Variants in RBMS3 observed in about 807,000 individuals in gnomAD.
RBMS3 encodes the protein RNA-binding motif, single-stranded-interacting protein 3.
RBMS3 carries 27 observed loss-of-function variants against 66.8 expected under a neutral mutation model. That is an observed-to-expected ratio of 0.40 (90% CI 0.30 to 0.56). RBMS3 has a LOEUF of 0.56. Ranked by LOEUF, RBMS3 falls within the 20% of genes least tolerant of loss-of-function variation. The probability of loss-of-function intolerance (pLI) is 0.40; values close to 1 mark genes in which losing one functional copy is unlikely to be tolerated. For synonymous variants in RBMS3, 188 were observed against 183.0 expected (o/e 1.03, Z -0.22); for missense variants, 513 against 549.5 (o/e 0.93, Z 0.66).
At chr3:29,458,991 AGAAATCAAAT>A (rs1489424669) in intron 2 of RBMS3, among the ~76,000 whole-genome samples, 5 of 152,314 alleles carry the variant, frequency 3.3e-5, no homozygotes, top group Middle Eastern at 3.4e-3. Flanking sequence ...AACTGGATAG[AGAAATCAAAT>A]GAAACAGCAA....
At chr3:29,723,033 C>T (rs901202422) in intron 4 of RBMS3, among the ~76,000 whole-genome samples, 3 of 151,702 alleles carry the variant, frequency 2.0e-5, no homozygotes, top group African/African-American at 4.8e-5. Context: ...TGGAGTGCAA[C>T]GGCATGATCT....
At chr3:29,876,220 G>A (rs987199739) in intron 7 of RBMS3, among the ~76,000 whole-genome samples, 8 of 152,178 alleles carry the variant, frequency 5.3e-5, no homozygotes, top group African/African-American at 1.9e-4. Flanking sequence ...CCTGTAATTT[G>A]GTTTGAGCCC....
chr3:29,941,697 G>C (rs2061397918), intron 11 of RBMS3, among the ~76,000 whole-genome samples: 1 of 151,528 alleles, frequency 6.6e-6, no homozygotes, highest in South Asian at 2.1e-4. Context: ...TACCGACATA[G>C]TAAAAAAGCC....
intron 6 of RBMS3, among the ~76,000 whole-genome samples, chr3:29,824,317 A>C (rs984146435): frequency 2.0e-5 from 3 of 152,040 alleles, no homozygotes; most frequent in Non-Finnish European, 4.4e-5. Context: ...GCCATCTGTG[A>C]GAAAGTGGGC....
intron 3 of RBMS3, among the ~76,000 whole-genome samples, chr3:29,519,868 C>A (rs1407695543): frequency 6.6e-6 from 1 of 152,034 alleles, no homozygotes; most frequent in East Asian, 1.9e-4. Flanking sequence ...GAGTCTGTGG[C>A]CAAAAGTCTG....
chr3:29,414,890 T>C (rs1401782857), intron 1 of RBMS3, among the ~76,000 whole-genome samples: 2 of 152,218 alleles, frequency 1.3e-5, no homozygotes, highest in Admixed American at 6.5e-5. Context: ...TAAATTTCTC[T>C]TACGTTTGCC....
chr3:29,607,528 A>C (rs539166497), intron 4 of RBMS3, among the ~76,000 whole-genome samples: 2 of 152,096 alleles, frequency 1.3e-5, no homozygotes, highest in African/African-American at 4.8e-5. Context: ...CCCACCACCC[A>C]ATATCATCAT....
At chr3:29,817,056 A>G (rs1288802891) in intron 6 of RBMS3, among the ~76,000 whole-genome samples, 1 of 152,160 alleles carries the variant, frequency 6.6e-6, no homozygotes, top group Admixed American at 6.5e-5. Context: ...GAACCACTGC[A>G]CTCCAGCCTG....
At chr3:29,781,721 C>T (rs2056637487) in intron 6 of RBMS3, among the ~76,000 whole-genome samples, 1 of 151,996 alleles carries the variant, frequency 6.6e-6, no homozygotes, top group Non-Finnish European at 1.5e-5. Flanking sequence ...AGTGGGGAGG[C>T]TAGTGGTCTA....
At chr3:29,704,885 A>T (rs2052802740) in intron 4 of RBMS3, among the ~76,000 whole-genome samples, 1 of 152,260 alleles carries the variant, frequency 6.6e-6, no homozygotes, top group Admixed American at 6.5e-5. Flanking sequence ...AAAAGCCAAC[A>T]TGGCATTTAT....
chr3:29,667,563 T>A (rs2050817910), intron 4 of RBMS3, among the ~76,000 whole-genome samples: 1 of 152,206 alleles, frequency 6.6e-6, no homozygotes, highest in Non-Finnish European at 1.5e-5. Flanking sequence ...CTATTATGTA[T>A]AAGATACTAT....
intron 2 of RBMS3, among the ~76,000 whole-genome samples, chr3:29,481,819 T>C (rs2043138392): frequency 6.6e-6 from 1 of 152,222 alleles, no homozygotes; most frequent in Admixed American, 6.5e-5. Flanking sequence ...GTCTGAGTTA[T>C]TATTTTATGC....
At chr3:29,564,841 C>T (rs1211124409) in intron 3 of RBMS3, among the ~76,000 whole-genome samples, 2 of 151,896 alleles carry the variant, frequency 1.3e-5, no homozygotes, top group African/African-American at 4.8e-5. Flanking sequence ...AAAGACAATG[C>T]CATAGTTTGG....
At chr3:29,474,100 G>A (rs993320846) in intron 2 of RBMS3, among the ~76,000 whole-genome samples, 1 of 152,240 alleles carries the variant, frequency 6.6e-6, no homozygotes, top group African/African-American at 2.4e-5. Context: ...CGCGCCCAGC[G>A]CCTCTTCTAA....
Position 29,589,635 on chromosome 3 carries a change from C to T in RBMS3, c.399+2430C>T, listed in dbSNP as rs541484428. On this transcript the variant is annotated intron_variant, in intron 4 of 14. Transcript: ENST00000383767. ...TGACCACCACTGTATTAGCAGATTT[C>T]TCACTGAGCTATTGGATTTCATGGC... Among the ~76,000 whole-genome samples the T allele has an allele frequency of 3.9e-5, 6 of 152,238 alleles. No homozygotes were observed. In the East Asian group the frequency reaches 5.8e-4, roughly 15 times the overall value.
intron 1 of RBMS3, among the ~76,000 whole-genome samples, chr3:29,341,389 T>C (rs2036273206): frequency 6.6e-6 from 1 of 152,166 alleles, no homozygotes; most frequent in African/African-American, 2.4e-5. Flanking sequence ...CACTGGAGGA[T>C]TTGAACACTT....
rs575741457 is a variant in RBMS3 at position 29,413,310 on chromosome 3, A to C, written c.76-21433A>C. On this transcript the variant is annotated intron_variant, in intron 1 of 14. Transcript: ENST00000383767. ...GCTTGAAACCAGATGCAGAGGTTGC[A>C]GTGAGCTGAGATCGTGCCACTGCAC... Among the ~76,000 whole-genome samples, 90 of 152,272 alleles carry C rather than the reference A, an allele frequency of 5.9e-4. 1 individual carries two copies. Among genetic ancestry groups the C allele is most frequent in the Non-Finnish European group, 8.8e-5 (6 of 68,020 alleles).
At chr3:29,840,445 CATA>C (rs1374253743) in intron 6 of RBMS3, among the ~76,000 whole-genome samples, 1 of 151,974 alleles carries the variant, frequency 6.6e-6, no homozygotes. Context: ...TAATGTTTGA[CATA>C]ATAAAACACG....
At chr3:29,988,438 G>A (rs561197060) in intron 13 of RBMS3, among the ~76,000 whole-genome samples, 2 of 152,318 alleles carry the variant, frequency 1.3e-5, no homozygotes, top group Admixed American at 6.5e-5. Context: ...ATGGAGGCAC[G>A]ACGGGAGTCT....
Sources: allele counts gnomAD v4.1 joint callset (sites outside exome capture counted in the v4.1 genomes callset), GRCh38; gene constraint gnomAD v4.1.1; transcripts MANE v1.5; gene names NCBI Gene and HGNC (gene_info 2026-07-23, HGNC 2026-07-21).